ATAD3B: variants seen among roughly 807,000 people sequenced by gnomAD.
ATAD3B encodes ATPase family AAA domain-containing protein 3B.
A neutral mutation model predicts 70.2 loss-of-function variants in ATAD3B; 59 were observed. The ratio of observed to expected loss-of-function variants is 0.84; its 90% CI spans 0.68 to 1.04. ATAD3B has a LOEUF of 1.04. Among genes scored for constraint, ATAD3B ranks in the 50% least tolerant of loss-of-function variants. The probability of loss-of-function intolerance (pLI) is 0.00; values close to 1 mark genes in which losing one functional copy is unlikely to be tolerated. For synonymous variants in ATAD3B, 423 were observed against 388.6 expected, an observed-to-expected ratio of 1.09 and a Z score of -1.04; for missense variants, 961 against 913.4, an observed-to-expected ratio of 1.05 and a Z score of -0.67.
At chr1:1,503,555 A>G in the ATAD3B span, 2 of 1,597,128 alleles carry the variant, frequency 1.3e-6, no homozygotes, top group Non-Finnish European at 1.7e-6. Context: ...GTATCCTAAC[A>G]CCCGCCCTCT....
intron 13 of ATAD3B, chr1:1,489,741 C>G (rs1640428550): frequency 7.6e-7 from 1 of 1,309,250 alleles, no homozygotes; most frequent in African/African-American, 1.5e-5. Context: ...TCGGCCGTGG[C>G]TGACTCTTCA....
Position 1,479,788 on chromosome 1 carries a change from C to T in ATAD3B, c.444+680C>T, listed in dbSNP as rs187899225. ...ACACATGGGGGCTTACACACCCCCC[C>T]GCACACGTGGGCCCGCTCACACAGC... On this transcript the variant is annotated intron_variant, in intron 4 of 15. Coordinates refer to ENST00000673477, the MANE Select transcript of ATAD3B (RefSeq NM_031921.6). 1.8e-4 allele frequency among the ~76,000 whole-genome samples: 26 copies of T among 143,616 alleles called. 4 individuals are homozygous for T. Among genetic ancestry groups the T allele is most frequent in the South Asian group, 9.2e-4 (4 of 4,370 alleles). The allele number at this position is 143,616 out of a possible 152,430, so 94.2% of individuals were successfully genotyped here. A position where few individuals can be genotyped will look rare whatever the true frequency, so the allele number is the denominator to read the frequency against.
chr1:1,507,544 G>C, the ATAD3B span, among the ~76,000 whole-genome samples: 1,233 of 152,248 alleles, frequency 8.1e-3, 18 homozygotes, highest in African/African-American at 0.028. Flanking sequence ...AATAAATCCT[G>C]CTTGGTCAGG....
chr1:1,502,081 G>T (rs1365604303), downstream of ATAD3B, among the ~76,000 whole-genome samples: 1 of 151,966 alleles, frequency 6.6e-6, no homozygotes, highest in Non-Finnish European at 1.5e-5. Context: ...ATTTCACCAT[G>T]TTGGCCAGGC....
At position 1,472,097 on chromosome 1, in the gene ATAD3B, C is replaced by CGGCGGGGCGGGGCGGGGCGG. The variant is rs3831114; in HGVS notation, c.205+10_205+29dup. On this transcript the variant is annotated intron_variant, in intron 1 of 15. Coordinates refer to ENST00000673477, the MANE Select transcript of ATAD3B (RefSeq NM_031921.6). The stretch of plus-strand genomic sequence containing the variant: ...GCGAGCTGGAGCACTCGCGTGAGTG[C>CGGCGGGGCGGGGCGGGGCGG]GGCGGGGCGGGGCGGGGCGGGCGGG... 2 of 876,960 alleles carry CGGCGGGGCGGGGCGGGGCGG rather than the reference C, an allele frequency of 2.3e-6. No homozygotes were observed. The highest frequency in any genetic ancestry group is 4.2e-5 in the African/African-American group (2 of 47,252). The allele number at this position is 876,960 out of a possible 1,614,324, so 54.3% of individuals were successfully genotyped here. A position where few individuals can be genotyped will look rare whatever the true frequency, so the allele number is the denominator to read the frequency against.
intron 12 of ATAD3B, among the ~76,000 whole-genome samples, chr1:1,488,275 A>G (rs550441023): frequency 3.9e-5 from 6 of 152,088 alleles, no homozygotes; most frequent in African/African-American, 1.2e-4. Flanking sequence ...TTATTTTAAT[A>G]CAGGGTGTCT....
rs149281757 is a variant in ATAD3B, at chr1:1,496,322, A to G, written c.*505A>G. 1,214 of 875,374 alleles carry G rather than the reference A, an allele frequency of 1.4e-3. 28 individuals are homozygous for G. The African/African-American group carries it at 0.02, about 15-fold the overall frequency. The allele number at this position is 875,374 out of a possible 1,614,324, so 54.2% of individuals were successfully genotyped here. A position where few individuals can be genotyped will look rare whatever the true frequency, so the allele number is the denominator to read the frequency against. Reference sequence around the variant, plus strand: ...GAGCTTTCTGGAGAATTTACTGATCACAGAGCGGTGTGCTTCACATCAGCC... The same window carrying G: ...GAGCTTTCTGGAGAATTTACTGATCGCAGAGCGGTGTGCTTCACATCAGCC... On this transcript the variant is annotated 3_prime_UTR_variant, in exon 16 of 16. Transcript: ENST00000673477.
intron 4 of ATAD3B, 118 bp from the exon 5 acceptor site, chr1:1,480,749 C>A: frequency 6.5e-7 from 1 of 1,528,184 alleles, no homozygotes; most frequent in Non-Finnish European, 8.8e-7. Flanking sequence ...TCTGCAGGTC[C>A]CCAGGTGCCC....
intron 2 of ATAD3B, 75 bp from the exon 3 acceptor site, chr1:1,478,569 G>A (rs2100535722): frequency 1.3e-6 from 2 of 1,550,634 alleles, no homozygotes; most frequent in Non-Finnish European, 1.7e-6. Context: ...TGCCGGAGCT[G>A]TGCAGACACA....
chr1:1,477,312 G>A lies in ATAD3B; in HGVS notation c.244G>A (p.Glu82Lys), dbSNP rs1352789193. ...KEALNLAQMQEQTLQLEQQSK... is the reference protein window; with the variant it reads ...KEALNLAQMQKQTLQLEQQSK... ...GGCCCTGAATCTGGCGCAGATGCAG[G>A]AGCAGACGCTGCAGTTGGAGCAACA... The change falls in exon 2 of 16, where the codon GAG becomes AAG. Residue 82 changes from glutamate to lysine, a missense_variant. By Grantham distance (56) the Glu-to-Lys change is moderately conservative (BLOSUM62 1). Coordinates refer to ENST00000673477, the MANE Select transcript of ATAD3B (RefSeq NM_031921.6). 1.2e-6 allele frequency: 2 copies of A among 1,612,258 alleles called. No individual in the cohort carries two copies. The highest frequency in any genetic ancestry group is 1.3e-5 in the African/African-American group (1 of 74,886).
the ATAD3B span, among the ~76,000 whole-genome samples, chr1:1,507,186 A>G: frequency 1.1e-4 from 16 of 152,122 alleles, no homozygotes; most frequent in Admixed American, 1.0e-3. Flanking sequence ...TTTCTTCTCT[A>G]ATGGCCCTGG....
At chr1:1,492,227 C>G (rs976767323) in intron 15 of ATAD3B, among the ~76,000 whole-genome samples, 2 of 151,800 alleles carry the variant, frequency 1.3e-5, no homozygotes, top group African/African-American at 4.8e-5. Flanking sequence ...TGGCTCACTC[C>G]TGTAATCCCA....
chr1:1,503,025 C>G, the ATAD3B span, among the ~76,000 whole-genome samples: 9 of 150,838 alleles, frequency 6.0e-5, no homozygotes, highest in Admixed American at 5.3e-4. Context: ...GAGATCGAGA[C>G]CATCCTGGCT....
At chr1:1,472,945 C>T (rs1157119168) in intron 1 of ATAD3B, among the ~76,000 whole-genome samples, 1 of 150,754 alleles carries the variant, frequency 6.6e-6, no homozygotes, top group Non-Finnish European at 1.5e-5. Context: ...GCCGCAGCCT[C>T]TCGAGTAGCT....
chr1:1,483,083 C>T (rs1306175169), intron 7 of ATAD3B: 9 of 453,302 alleles, frequency 2.0e-5, no homozygotes, highest in Admixed American at 4.7e-5. Flanking sequence ...TCACGAGGTC[C>T]GGAGATCGAG....
downstream of ATAD3B, among the ~76,000 whole-genome samples, chr1:1,501,119 T>TA (rs1445490776): frequency 6.6e-6 from 1 of 151,930 alleles, no homozygotes; most frequent in Non-Finnish European, 1.5e-5. Flanking sequence ...GATGGAGTCT[T>TA]ACTCTGTCGC....
Position 1,490,643 on chromosome 1 carries a change from A to T in ATAD3B, c.1586A>T (p.Glu529Val), listed in dbSNP as rs1640494067. The T allele has an allele frequency of 1.2e-6, 2 of 1,602,052 alleles. No homozygotes were observed. Among genetic ancestry groups the T allele is most frequent in the African/African-American group, 2.7e-5 (2 of 74,784 alleles). ...ARLTEGMSGR[E>V]IAQLAVSWQA... Reference sequence around the variant, plus strand: ...CTGACGGAGGGCATGTCGGGCCGGGAGATCGCTCAGCTGGCCGTGTCCTGG... The same window carrying T: ...CTGACGGAGGGCATGTCGGGCCGGGTGATCGCTCAGCTGGCCGTGTCCTGG... Residue 529 changes from glutamate (E) to valine (V), a missense_variant, in exon 15 of 16, where the codon GAG becomes GTG. By Grantham distance (121) the Glu-to-Val change is moderately radical (BLOSUM62 -2). Transcript: ENST00000673477.
rs899867846 is a variant in ATAD3B, at chr1:1,480,753, G to C, written c.445-114G>C. On this transcript the variant is annotated intron_variant, in intron 4 of 15. Coordinates refer to ENST00000673477, the MANE Select transcript of ATAD3B (RefSeq NM_031921.6). ...AGGGTGCGGCGTCTGCAGGTCCCCA[G>C]GTGCCCAGGACGCTTGGAGTTCTGT... is the stretch of plus-strand genomic sequence containing the variant. 1.0e-5 allele frequency: 16 copies of C among 1,535,480 alleles called. 2 individuals carry two copies. The African/African-American group carries it at 2.3e-4, about 22-fold the overall frequency.
chr1:1,498,616 T>G (rs819987), downstream of ATAD3B, among the ~76,000 whole-genome samples: 1 of 151,702 alleles, frequency 6.6e-6, no homozygotes, highest in Admixed American at 6.6e-5. Flanking sequence ...CTTTGTTGCC[T>G]AGGCTGGTCT....
Sources: allele counts gnomAD v4.1 joint callset (sites outside exome capture counted in the v4.1 genomes callset), GRCh38; gene constraint gnomAD v4.1.1; transcripts MANE v1.5; gene names NCBI Gene and HGNC (gene_info 2026-07-23, HGNC 2026-07-21).